Variants in ADAMTSL1 observed in about 807,000 individuals in gnomAD.
The protein encoded by ADAMTSL1 is ADAMTS-like protein 1.
Under a neutral mutation model 201.8 loss-of-function variants are expected in ADAMTSL1, and 126 were observed. That is an observed-to-expected ratio of 0.62 (90% CI 0.54 to 0.72). The LOEUF is 0.72. Among genes scored for constraint, ADAMTSL1 ranks in the 30% least tolerant of loss-of-function variants. ADAMTSL1 has a pLI of 0.00. For synonymous variants in ADAMTSL1, 1,121 were observed against 903.4 expected, an observed-to-expected ratio of 1.24 and a Z score of -4.32; for missense variants, 2,679 against 2,277.8, an observed-to-expected ratio of 1.18 and a Z score of -3.59.
At chr9:17,998,649 G>T (rs913476221) in intron 1 of ADAMTSL1, among the ~76,000 whole-genome samples, 5 of 152,040 alleles carry the variant, frequency 3.3e-5, no homozygotes, top group African/African-American at 1.2e-4. Flanking sequence ...AAATGCTTTG[G>T]AAAAGGAAGT....
intron 4 of ADAMTSL1, among the ~76,000 whole-genome samples, chr9:18,588,884 C>CATATATATATATATATATACATATAT (rs1823713955): frequency 8.1e-5 from 10 of 122,858 alleles, no homozygotes; most frequent in South Asian, 2.6e-4. Flanking sequence ...TATACATATA[C>CATATATATATATATATATACATATAT]ATATATATAT....
chr9:18,826,211 T>C (rs1824546246), intron 21 of ADAMTSL1, 73 bp from the exon 22 acceptor site: 3 of 1,535,152 alleles, frequency 2.0e-6, no homozygotes, highest in African/African-American at 1.4e-5. Context: ...CAAGAAGCTA[T>C]AAATGCCTCT....
chr9:18,517,975 G>A (rs189292579), intron 2 of ADAMTSL1, among the ~76,000 whole-genome samples: 4 of 151,732 alleles, frequency 2.6e-5, no homozygotes, highest in South Asian at 2.1e-4. Context: ...TCTTCCTTTG[G>A]CCATTTGTTC....
At chr9:18,546,657 G>T (rs935689835) in intron 3 of ADAMTSL1, among the ~76,000 whole-genome samples, 7 of 151,846 alleles carry the variant, frequency 4.6e-5, no homozygotes, top group Admixed American at 1.3e-4. Flanking sequence ...AATATGACTA[G>T]GATTTATTTA....
chr9:18,177,787 A>T (rs1404360802), intron 2 of ADAMTSL1, among the ~76,000 whole-genome samples: 1 of 152,196 alleles, frequency 6.6e-6, no homozygotes, highest in African/African-American at 2.4e-5. Context: ...TTACATACCC[A>T]TGCCTAGGTG....
chr9:18,378,318 T>C (rs1271182990), intron 2 of ADAMTSL1, among the ~76,000 whole-genome samples: 5 of 152,218 alleles, frequency 3.3e-5, no homozygotes, highest in Admixed American at 3.3e-4. Context: ...ATGGTAGCTA[T>C]TTTGAGTTAT....
intron 2 of ADAMTSL1, among the ~76,000 whole-genome samples, chr9:18,319,303 T>G (rs1834530130): frequency 6.6e-6 from 1 of 152,208 alleles, no homozygotes; most frequent in African/African-American, 2.4e-5. Context: ...CTAAATCATG[T>G]GGAAATGTCT....
intron 2 of ADAMTSL1, among the ~76,000 whole-genome samples, chr9:18,268,660 CCT>C (rs988308752): frequency 1.1e-4 from 17 of 152,100 alleles, no homozygotes; most frequent in African/African-American, 4.1e-4. Flanking sequence ...GCAGTAGAGT[CCT>C]CTCTAAATCA....
intron 2 of ADAMTSL1, among the ~76,000 whole-genome samples, chr9:18,376,445 G>A (rs1048158656): frequency 1.3e-5 from 2 of 152,110 alleles, no homozygotes; most frequent in African/African-American, 4.8e-5. Context: ...GAGAGATACT[G>A]AAGAAGAAGA....
chr9:18,255,488 C>T (rs1034939182), intron 2 of ADAMTSL1, among the ~76,000 whole-genome samples: 2 of 152,192 alleles, frequency 1.3e-5, no homozygotes, highest in Non-Finnish European at 2.9e-5. Flanking sequence ...TGACCAGCTA[C>T]TTATGTTAAC....
intron 1 of ADAMTSL1, among the ~76,000 whole-genome samples, chr9:17,970,007 T>G (rs1818142748): frequency 6.6e-6 from 1 of 152,046 alleles, no homozygotes; most frequent in Non-Finnish European, 1.5e-5. Flanking sequence ...ATCCTGTACC[T>G]CTGGGCTTGT....
chr9:17,977,628 T>C (rs1351213527), intron 1 of ADAMTSL1, among the ~76,000 whole-genome samples: 1 of 152,108 alleles, frequency 6.6e-6, no homozygotes, highest in Non-Finnish European at 1.5e-5. Flanking sequence ...TGTATTTTTA[T>C]GATATCAGTT....
At chr9:17,908,859 T>C (rs1005839645) in intron 1 of ADAMTSL1, among the ~76,000 whole-genome samples, 9 of 152,148 alleles carry the variant, frequency 5.9e-5, no homozygotes, top group Non-Finnish European at 1.2e-4. Flanking sequence ...CTGGGTCAAA[T>C]GGTATTTCTA....
At chr9:18,500,987 T>C (rs183331569) in intron 1 of ADAMTSL1, among the ~76,000 whole-genome samples, 4 of 152,332 alleles carry the variant, frequency 2.6e-5, no homozygotes, top group Admixed American at 2.0e-4. Flanking sequence ...TTTTGAGACA[T>C]TGAATTAAAA....
At chr9:18,807,659 CAA>C (rs58783987) in intron 20 of ADAMTSL1, among the ~76,000 whole-genome samples, 3 of 86,544 alleles carry the variant, frequency 3.5e-5, no homozygotes, top group Non-Finnish European at 8.3e-5. Flanking sequence ...AAAAAAAAAA[CAA>C]AAAAAAAACA....
At chr9:18,726,833 G>C (rs1036078450) in intron 15 of ADAMTSL1, among the ~76,000 whole-genome samples, 17 of 152,180 alleles carry the variant, frequency 1.1e-4, no homozygotes, top group Non-Finnish European at 2.1e-4. Context: ...GTACAGAATA[G>C]ATAAACAGGG....
chr9:18,364,178 T>C (rs143811152), intron 2 of ADAMTSL1, among the ~76,000 whole-genome samples: 1 of 152,046 alleles, frequency 6.6e-6, no homozygotes, highest in African/African-American at 2.4e-5. Flanking sequence ...CATGGATGAG[T>C]AGGAGGTCAG....
At chr9:18,866,316 G>A (rs112231706) in intron 23 of ADAMTSL1, among the ~76,000 whole-genome samples, 5,606 of 152,094 alleles carry the variant, frequency 0.037, 171 homozygotes, top group South Asian at 0.13. Context: ...AGAGCACTGT[G>A]TACACACAGA....
At chr9:18,007,014 A>C (rs1819855737) in intron 1 of ADAMTSL1, among the ~76,000 whole-genome samples, 1 of 152,024 alleles carries the variant, frequency 6.6e-6, no homozygotes, top group Non-Finnish European at 1.5e-5. Flanking sequence ...GTGGTAGAAA[A>C]AAAGAAATAA....
Sources: gnomAD v4.1 joint callset for allele counts (sites outside exome capture counted in the v4.1 genomes callset) on GRCh38, gnomAD v4.1.1 for gene constraint, MANE v1.5 for transcripts, NCBI Gene and HGNC (gene_info 2026-07-23, HGNC 2026-07-21) for gene names.